Variants in AMPH observed in about 807,000 individuals in gnomAD.
AMPH encodes amphiphysin, also known as amphiphysin (Stiff-Mann syndrome with breast cancer 128kD autoantigen).
A neutral mutation model predicts 99.1 loss-of-function variants in AMPH; 49 were observed. That is an observed-to-expected ratio of 0.49 (90% CI 0.39 to 0.63). AMPH has a LOEUF of 0.63. Ranked by LOEUF, AMPH falls within the 20% of genes least tolerant of loss-of-function variation. The pLI, the probability that AMPH is intolerant of heterozygous loss-of-function variation, is 0.00. For synonymous variants in AMPH, 314 were observed against 317.3 expected (o/e 0.99, Z 0.11); for missense variants, 759 against 863.4 (o/e 0.88, Z 1.52).
intron 2 of AMPH, among the ~76,000 whole-genome samples, chr7:38,532,222 A>G (rs1462116516): frequency 6.6e-6 from 1 of 152,046 alleles, no homozygotes; most frequent in Non-Finnish European, 1.5e-5. Context: ...CTAATATACA[A>G]ACAGGGGTAA....
At chr7:38,394,310 C>A in intron 17 of AMPH, 96 bp from the exon 18 acceptor site, 1 of 1,294,818 alleles carries the variant, frequency 7.7e-7, no homozygotes, top group Non-Finnish European at 1.1e-6. Flanking sequence ...TCTGTGGAGG[C>A]TATTCAGATT....
chr7:38,608,435 C>A (rs1338382030), intron 1 of AMPH, among the ~76,000 whole-genome samples: 2 of 152,252 alleles, frequency 1.3e-5, no homozygotes, highest in East Asian at 1.9e-4. Context: ...CTCTCTGCCC[C>A]CTTCTTCCAC....
intron 7 of AMPH, among the ~76,000 whole-genome samples, chr7:38,472,182 T>C (rs1425388894): frequency 6.6e-6 from 1 of 152,174 alleles, no homozygotes; most frequent in Non-Finnish European, 1.5e-5. Context: ...ATAACTAACA[T>C]GTAATATGTT....
intron 2 of AMPH, among the ~76,000 whole-genome samples, chr7:38,525,273 T>TAGAGAGAGAGAG (rs1360827159): frequency 1.7e-4 from 14 of 83,338 alleles, no homozygotes; most frequent in Admixed American, 2.2e-4. Flanking sequence ...TATATATATA[T>TAGAGAGAGAGAG]ATATAGAGAG....
At chr7:38,507,230 A>G (rs1789360283) in intron 2 of AMPH, among the ~76,000 whole-genome samples, 1 of 152,220 alleles carries the variant, frequency 6.6e-6, no homozygotes, top group Admixed American at 6.5e-5. Context: ...AGAAATCTAG[A>G]AGAGATTTTT....
chr7:38,560,498 C>T (rs184891337), intron 1 of AMPH, among the ~76,000 whole-genome samples: 2 of 152,178 alleles, frequency 1.3e-5, no homozygotes, highest in African/African-American at 4.8e-5. Flanking sequence ...TGGTTTGTTA[C>T]ACAGTGCAAG....
rs79126136 is a variant in AMPH, at chr7:38,468,342, G to A, written c.591-2094C>T. On this transcript the variant is annotated intron_variant, in intron 7 of 20. Coordinates refer to ENST00000356264, the MANE Select transcript of AMPH (RefSeq NM_001635.4). ...TCAAATTTTTTTATTTCTTAGTATT[G>A]TTTTTCTTATCAATATGTAATGGCA... Among the ~76,000 whole-genome samples the A allele has an allele frequency of 0.011, 1,720 of 151,796 alleles. 76 individuals are homozygous for A. The East Asian group carries it at 0.16, about 14-fold the overall frequency.
At chr7:38,548,198 T>C (rs1584232520) in intron 1 of AMPH, among the ~76,000 whole-genome samples, 1 of 151,918 alleles carries the variant, frequency 6.6e-6, no homozygotes, top group East Asian at 1.9e-4. Flanking sequence ...CCGGCTAATT[T>C]TTTTGTATTT....
chr7:38,450,584 T>C (rs1786971001), intron 11 of AMPH, among the ~76,000 whole-genome samples: 1 of 152,198 alleles, frequency 6.6e-6, no homozygotes, highest in Non-Finnish European at 1.5e-5. Context: ...GATTATATGC[T>C]TCTGGAACTC....
intron 20 of AMPH, among the ~76,000 whole-genome samples, chr7:38,385,999 A>C (rs1388849301): frequency 6.6e-6 from 1 of 152,214 alleles, no homozygotes; most frequent in African/African-American, 2.4e-5. Flanking sequence ...TATCAGATAA[A>C]ATGAGGCCTC....
rs75956695 is a variant in AMPH at position 38,434,878 on chromosome 7, T to C, written c.1134+1394A>G. Among the ~76,000 whole-genome samples, 586 of 152,352 alleles carry C rather than the reference T, an allele frequency of 3.8e-3. 2 individuals carry two copies. The highest frequency in any genetic ancestry group is 0.014 in the Middle Eastern group (4 of 294). ...TACATTCACTTTGTACTTTTCTTGG[T>C]CACCAAGGTGGAACCCTCAAACTTG... On this transcript the variant is annotated intron_variant, in intron 12 of 20. Coordinates refer to ENST00000356264, the MANE Select transcript of AMPH (RefSeq NM_001635.4).
chr7:38,489,253 T>C (rs1788628247), intron 5 of AMPH, among the ~76,000 whole-genome samples: 1 of 152,118 alleles, frequency 6.6e-6, no homozygotes, highest in Admixed American at 6.6e-5. Flanking sequence ...ACAGGCAGTC[T>C]CCTCAATAAA....
intron 1 of AMPH, among the ~76,000 whole-genome samples, chr7:38,604,862 C>G (rs534018929): frequency 2.0e-5 from 3 of 152,214 alleles, no homozygotes; most frequent in African/African-American, 7.2e-5. Flanking sequence ...CAGCATTTTC[C>G]TTCATTTTTT....
chr7:38,415,430 T>C (rs181011885), intron 17 of AMPH, among the ~76,000 whole-genome samples: 2 of 152,342 alleles, frequency 1.3e-5, no homozygotes, highest in East Asian at 3.9e-4. Flanking sequence ...TAATTAATGC[T>C]AGGGACACAA....
At position 38,429,468 on chromosome 7, in the gene AMPH, G is replaced by T. The variant is rs775066509; in HGVS notation, c.1182+374C>A. 1.8e-5 allele frequency: 23 copies of T among 1,307,268 alleles called. No homozygotes were observed. In the African/African-American group the frequency reaches 3.3e-4, roughly 19 times the overall value. 81.0% of individuals were successfully genotyped at this position (1,307,268 alleles called of 1,614,324 possible). On this transcript the variant is annotated intron_variant, in intron 14 of 20. Coordinates refer to ENST00000356264, the MANE Select transcript of AMPH (RefSeq NM_001635.4). ...GTCTGTACTAGCGTCAGGGCCCCAA[G>T]TAAATGCACCTATATCATTTTGAGA...
intron 5 of AMPH, among the ~76,000 whole-genome samples, chr7:38,485,537 T>C (rs1404436534): frequency 6.6e-6 from 1 of 151,988 alleles, no homozygotes; most frequent in East Asian, 1.9e-4. Context: ...CTTTCAATTA[T>C]AGATAGAACC....
chr7:38,604,464 A>G lies in AMPH; in HGVS notation c.69+26819T>C, dbSNP rs148838343. Among the ~76,000 whole-genome samples the G allele has an allele frequency of 4.3e-3, 657 of 152,322 alleles. 5 individuals are homozygous for G. The highest frequency in any genetic ancestry group is 0.015 in the African/African-American group (620 of 41,562). ...TGTGGGGTAGAGAAAGGAGATATGC[A>G]AGAATGAGGACGAGCACACACTGCC... On this transcript the variant is annotated intron_variant, in intron 1 of 20. Transcript: ENST00000356264.
At chr7:38,455,713 A>G (rs1787205892) in intron 11 of AMPH, among the ~76,000 whole-genome samples, 1 of 152,200 alleles carries the variant, frequency 6.6e-6, no homozygotes, top group Admixed American at 6.5e-5. Context: ...TTACATGGGT[A>G]GCTGCCTAGG....
intron 5 of AMPH, among the ~76,000 whole-genome samples, chr7:38,486,066 C>T (rs1386208412): frequency 1.3e-5 from 2 of 150,608 alleles, no homozygotes; most frequent in African/African-American, 4.9e-5. Flanking sequence ...AATGAAACCC[C>T]AAATTGGCAA....
Sources: gnomAD v4.1 joint callset for allele counts (sites outside exome capture counted in the v4.1 genomes callset) on GRCh38, gnomAD v4.1.1 for gene constraint, MANE v1.5 for transcripts, NCBI Gene and HGNC (gene_info 2026-07-23, HGNC 2026-07-21) for gene names.